CPA6: variants seen among roughly 807,000 people sequenced by gnomAD.
CPA6 encodes the protein carboxypeptidase A6.
In CPA6, 58 loss-of-function variants were observed where a neutral mutation model predicts 63.3. The observed-to-expected ratio is 0.92, with a 90% CI of 0.74 to 1.14. The LOEUF (loss-of-function observed/expected upper bound fraction) is 1.14, where lower values mean the gene tolerates loss of function less well. Among genes scored for constraint, CPA6 ranks in the 50% most tolerant of loss-of-function variants. The probability of loss-of-function intolerance (pLI) is 0.00; values close to 1 mark genes in which losing one functional copy is unlikely to be tolerated. For missense variants in CPA6, 565 were observed against 526.6 expected, an observed-to-expected ratio of 1.07 and a Z score of -0.71; for synonymous variants, 185 against 179.0, an observed-to-expected ratio of 1.03 and a Z score of -0.27.
chr8:67,732,387 TCG>T (rs1817722222), intron 1 of CPA6, among the ~76,000 whole-genome samples: 1 of 152,206 alleles, frequency 6.6e-6, no homozygotes, highest in Non-Finnish European at 1.5e-5. Context: ...CCTTCCTTCC[TCG>T]CTCTCTCTCA....
chr8:67,495,990 C>T (rs1200736149), intron 6 of CPA6, among the ~76,000 whole-genome samples: 1 of 152,162 alleles, frequency 6.6e-6, no homozygotes, highest in African/African-American at 2.4e-5. Flanking sequence ...ATCTACAACG[C>T]CCACATATCA....
intron 5 of CPA6, among the ~76,000 whole-genome samples, chr8:67,509,205 AC>A (rs1364550207): frequency 6.6e-6 from 1 of 152,204 alleles, no homozygotes; most frequent in African/African-American, 2.4e-5. Flanking sequence ...TTGGGTGGGG[AC>A]ACAGACCCAA....
chr8:67,436,379 G>A (rs895447262), intron 8 of CPA6, among the ~76,000 whole-genome samples: 6 of 132,720 alleles, frequency 4.5e-5, no homozygotes, highest in African/African-American at 2.2e-4. Context: ...GGTTTTTGTT[G>A]TTGGGTATTT....
Position 67,461,425 on chromosome 8 carries a change from G to C in CPA6, c.838+22343C>G, listed in dbSNP as rs546245551. ...TCCCAAGGCAGAAGAATTTATCTTA[G>C]TACAGAACAAAATGAAAAGTCTCCC... On this transcript the variant is annotated intron_variant, in intron 8 of 10. Coordinates refer to ENST00000297770, the MANE Select transcript of CPA6 (RefSeq NM_020361.5). Among the ~76,000 whole-genome samples, 23 of 150,274 alleles carry C rather than the reference G, an allele frequency of 1.5e-4. No homozygotes were observed. The South Asian group carries it at 4.9e-3, about 32-fold the overall frequency.
chr8:67,698,313 A>G (rs146969135), intron 1 of CPA6, among the ~76,000 whole-genome samples: 32 of 152,302 alleles, frequency 2.1e-4, no homozygotes, highest in African/African-American at 7.5e-4. Context: ...GGGCAAGGGT[A>G]GGGCTCAGTA....
At chr8:67,536,738 A>AC (rs1487255013) in intron 2 of CPA6, among the ~76,000 whole-genome samples, 1 of 152,160 alleles carries the variant, frequency 6.6e-6, no homozygotes, top group Admixed American at 6.5e-5. Context: ...ACTATGTTGA[A>AC]TAGGATTGAT....
At chr8:67,727,838 G>A (rs1587732743) in intron 1 of CPA6, among the ~76,000 whole-genome samples, 1 of 151,984 alleles carries the variant, frequency 6.6e-6, no homozygotes, top group South Asian at 2.1e-4. Flanking sequence ...CAGCACTTTG[G>A]GAGGCTGAGG....
intron 2 of CPA6, among the ~76,000 whole-genome samples, chr8:67,595,578 T>C (rs573257705): frequency 6.6e-5 from 10 of 152,358 alleles, no homozygotes; most frequent in Non-Finnish European, 1.3e-4. Context: ...TAAGCGAGCC[T>C]GGGCAATGGC....
intron 1 of CPA6, among the ~76,000 whole-genome samples, chr8:67,662,423 A>G (rs1816131227): frequency 6.8e-6 from 1 of 147,964 alleles, no homozygotes; most frequent in Admixed American, 6.7e-5. Flanking sequence ...ATATGTATAT[A>G]TAGAATACAT....
intron 1 of CPA6, among the ~76,000 whole-genome samples, chr8:67,630,143 G>A (rs1287815985): frequency 8.6e-6 from 1 of 115,894 alleles, no homozygotes; most frequent in Non-Finnish European, 1.8e-5. Flanking sequence ...ATAATAATTT[G>A]TATTCATTCC....
chr8:67,674,846 A>G (rs1490717227), intron 1 of CPA6, among the ~76,000 whole-genome samples: 1 of 152,234 alleles, frequency 6.6e-6, no homozygotes, highest in Non-Finnish European at 1.5e-5. Context: ...CAGCCATGAA[A>G]AAAACCAAAA....
intron 1 of CPA6, among the ~76,000 whole-genome samples, chr8:67,663,499 A>AT (rs1223046270): frequency 6.6e-6 from 1 of 151,884 alleles, no homozygotes; most frequent in East Asian, 1.9e-4. Context: ...TGCATTAGCT[A>AT]TTTTTCCTAA....
At chr8:67,566,979 G>C (rs898797720) in intron 2 of CPA6, among the ~76,000 whole-genome samples, 1 of 152,150 alleles carries the variant, frequency 6.6e-6, no homozygotes, top group African/African-American at 2.4e-5. Context: ...ACTGTGACCT[G>C]GCATGAAAAG....
chr8:67,698,521 T>A (rs1816954944), intron 1 of CPA6, among the ~76,000 whole-genome samples: 1 of 152,244 alleles, frequency 6.6e-6, no homozygotes, highest in African/African-American at 2.4e-5. Context: ...CAAGAAAGTT[T>A]GGGAACACAT....
chr8:67,483,543 AC>A (rs1811403296), intron 8 of CPA6: 1 of 559,018 alleles, frequency 1.8e-6, no homozygotes, highest in South Asian at 2.4e-5. Context: ...AGTTTTCAGG[AC>A]CGAATTGACA....
At chr8:67,707,697 A>C (rs1817166599) in intron 1 of CPA6, among the ~76,000 whole-genome samples, 1 of 152,144 alleles carries the variant, frequency 6.6e-6, no homozygotes, top group African/African-American at 2.4e-5. Context: ...TCATGAGGTC[A>C]GGAGTTCAAG....
chr8:67,477,477 T>A (rs1272496551), intron 8 of CPA6, among the ~76,000 whole-genome samples: 1 of 152,156 alleles, frequency 6.6e-6, no homozygotes, highest in Non-Finnish European at 1.5e-5. Flanking sequence ...ACTTTGTATT[T>A]CTCCAGGATC....
intron 8 of CPA6, among the ~76,000 whole-genome samples, chr8:67,443,991 G>GTTTT (rs773274256): frequency 7.0e-6 from 1 of 142,026 alleles, no homozygotes; most frequent in Non-Finnish European, 1.5e-5. Context: ...GACATCCGTA[G>GTTTT]TTTTTTTTTT....
At chr8:67,742,352 T>C (rs1352953066) in intron 1 of CPA6, among the ~76,000 whole-genome samples, 1 of 152,132 alleles carries the variant, frequency 6.6e-6, no homozygotes, top group African/African-American at 2.4e-5. Flanking sequence ...GAGTAAATCT[T>C]CCAGTTTTTC....
Sources: gnomAD v4.1 joint callset for allele counts (sites outside exome capture counted in the v4.1 genomes callset) on GRCh38, gnomAD v4.1.1 for gene constraint, MANE v1.5 for transcripts, NCBI Gene and HGNC (gene_info 2026-07-23, HGNC 2026-07-21) for gene names.